The following OTOF variants were observed in gnomAD, a reference collection of about 807,000 sequenced individuals.
OTOF encodes otoferlin.
In OTOF, 218 loss-of-function variants were observed where a neutral mutation model predicts 236.8. That is an observed-to-expected ratio of 0.92 (90% CI 0.82 to 1.03). OTOF has a LOEUF of 1.03. OTOF is among the 50% of genes least tolerant of loss of function. The probability of loss-of-function intolerance (pLI) is 0.00; values close to 1 mark genes in which losing one functional copy is unlikely to be tolerated. For synonymous variants in OTOF, 1,041 were observed against 1,072.5 expected (o/e 0.97, Z 0.57); for missense variants, 2,590 against 2,694.4 (o/e 0.96, Z 0.86).
intron 30 of OTOF, among the ~76,000 whole-genome samples, chr2:26,471,467 C>T (rs1056835859): frequency 2.0e-5 from 3 of 152,152 alleles, no homozygotes; most frequent in Admixed American, 1.3e-4. Flanking sequence ...TGGCAGTTCT[C>T]TCTCTGGCAG....
chr2:26,507,828 G>A (rs1393516534), intron 5 of OTOF, among the ~76,000 whole-genome samples: 1 of 152,122 alleles, frequency 6.6e-6, no homozygotes, highest in African/African-American at 2.4e-5. Context: ...CTACAATCTA[G>A]ACTGGTATTT....
chr2:26,465,206 C>T (rs762424795), intron 38 of OTOF, among the ~76,000 whole-genome samples, 177 bp from the exon 39 acceptor site: 1 of 152,064 alleles, frequency 6.6e-6, no homozygotes, highest in African/African-American at 2.4e-5. Flanking sequence ...GGAGGCTGAA[C>T]CTTCCTGCCC....
chr2:26,460,156 G>T lies in OTOF; in HGVS notation c.5863C>A (p.Arg1955Ser), dbSNP rs768636114. Reference sequence around the variant, plus strand: ...CGATACGTGTGCCACAAGAAGTAGCGAGCCGACTTGAGAGGGTTCAGGAAC... The same window carrying T: ...CGATACGTGTGCCACAAGAAGTAGCTAGCCGACTTGAGAGGGTTCAGGAAC... ...IWFLNPLKSA[R>S]YFLWHTYRWL... is the part of the protein sequence containing the mutation. The change falls in exon 46 of 47, where the codon CGC becomes AGC. Residue 1955 changes from arginine to serine, a missense_variant. Coordinates refer to ENST00000272371, the MANE Select transcript of OTOF (RefSeq NM_194248.3). The surrounding 1 kb of genome is among the most constrained non-coding windows in gnomAD (Gnocchi z 5.3). 5 of 1,603,784 alleles carry T rather than the reference G, an allele frequency of 3.1e-6. No homozygotes were observed. In the East Asian group the frequency reaches 1.1e-4, roughly 36 times the overall value.
In OTOF at chr2:26,461,136, C is replaced by T. The variant is rs1425998048; in HGVS notation, c.5534-106G>A. 2 of 949,988 alleles carry T rather than the reference C, an allele frequency of 2.1e-6. No homozygotes were observed. Among genetic ancestry groups the T allele is most frequent in the Non-Finnish European group, 3.2e-6 (2 of 616,036 alleles). The allele number at this position is 949,988 out of a possible 1,614,324, so 58.8% of individuals were successfully genotyped here. On this transcript the variant is annotated intron_variant, in intron 43 of 46. Transcript: ENST00000272371. This position sits in a 1 kb window ranked among gnomAD's most constrained non-coding sequence, Gnocchi z 6.2. Reference sequence around the variant, plus strand: ...CCCTTGTTTGCTGAGTGCAGACCTCCCTGAGCCCACATCTCATCCTCCTGC... The same window carrying T: ...CCCTTGTTTGCTGAGTGCAGACCTCTCTGAGCCCACATCTCATCCTCCTGC...
intron 40 of OTOF, 49 bp from the exon 41 acceptor site, chr2:26,463,620 C>G (rs1401038649): frequency 2.8e-6 from 4 of 1,432,466 alleles, no homozygotes; most frequent in Middle Eastern, 3.5e-4. Flanking sequence ...TCCCTCTGCC[C>G]AGGAAGATCA....
chr2:26,512,868 C>T (rs1407405894), intron 5 of OTOF, among the ~76,000 whole-genome samples: 1 of 152,194 alleles, frequency 6.6e-6, no homozygotes, highest in Admixed American at 6.5e-5. Context: ...GTGCACCTCA[C>T]TCAATCCTGG....
chr2:26,501,717 A>G (rs780454002), intron 8 of OTOF, 37 bp downstream of exon 8: 2 of 1,454,564 alleles, frequency 1.4e-6, no homozygotes, highest in Admixed American at 3.3e-5. Context: ...ACTAGAGCAG[A>G]GTCTGAAAGA....
chr2:26,484,562 C>T lies in OTOF; in HGVS notation c.1117G>A (p.Val373Met), dbSNP rs561112634. The change falls in exon 12 of 47, where the codon GTG (valine) becomes ATG (methionine). Residue 373 changes from valine (V) to methionine (M), a missense_variant. Transcript: ENST00000272371. ...CCCACCACGGCAACGTCACACTTCA[C>T]GTAGCCCTTCAGCCCCGAGGAGATG... ...DDISSGLKGY[V>M]KCDVAVVGKG... is the part of the protein sequence containing the mutation. 33 of 1,613,980 alleles carry T rather than the reference C, an allele frequency of 2.0e-5. No individual in the cohort carries two copies. Among genetic ancestry groups the T allele is most frequent in the Middle Eastern group, 1.6e-4 (1 of 6,062 alleles).
intron 32 of OTOF, among the ~76,000 whole-genome samples, chr2:26,469,655 A>G (rs976317545): frequency 6.6e-6 from 1 of 152,246 alleles, no homozygotes; most frequent in Non-Finnish European, 1.5e-5. Flanking sequence ...TGTGACAAAC[A>G]AGAGGTCAGG....
intron 1 of OTOF, among the ~76,000 whole-genome samples, chr2:26,556,762 C>A (rs528737595): frequency 7.3e-4 from 111 of 152,180 alleles, no homozygotes; most frequent in Non-Finnish European, 1.3e-3. Context: ...AGTGTTCTAC[C>A]CCTGAACCTT....
intron 1 of OTOF, among the ~76,000 whole-genome samples, chr2:26,551,308 C>G (rs1190182386): frequency 6.6e-6 from 1 of 152,126 alleles, no homozygotes; most frequent in Non-Finnish European, 1.5e-5. Context: ...GGCCTTTGTT[C>G]CTGCCAATGA....
intron 5 of OTOF, among the ~76,000 whole-genome samples, chr2:26,512,011 A>G (rs1666403682): frequency 6.6e-6 from 1 of 152,116 alleles, no homozygotes; most frequent in African/African-American, 2.4e-5. Flanking sequence ...GCCCCAGCAT[A>G]GGAGGAAGTT....
intron 15 of OTOF, among the ~76,000 whole-genome samples, 184 bp downstream of exon 15, chr2:26,480,602 C>G (rs1051997455): frequency 2.6e-5 from 4 of 152,276 alleles, no homozygotes; most frequent in Middle Eastern, 3.4e-3. Flanking sequence ...AGGCAGTGGA[C>G]GAGGGCAGAG....
At chr2:26,513,573 C>T (rs111555550) in intron 5 of OTOF, among the ~76,000 whole-genome samples, 226 of 152,352 alleles carry the variant, frequency 1.5e-3, no homozygotes, top group African/African-American at 5.1e-3. Context: ...CGGACCCTAA[C>T]GGTCAAGATG....
At chr2:26,480,683 G>T in intron 15 of OTOF, 103 bp downstream of exon 15, 2 of 951,646 alleles carry the variant, frequency 2.1e-6, no homozygotes, top group Non-Finnish European at 3.3e-6. Flanking sequence ...TGACTCCTCA[G>T]GTAGACAGGG....
Position 26,535,497 on chromosome 2 carries a change from C to T in OTOF, c.138+2219G>A, listed in dbSNP as rs549702748. ...TCCTTGCTCCCCACCCCACTAAATG[C>T]CAGTAGGCTCCTCATTGCAACAACC... is the stretch of plus-strand genomic sequence containing the variant. On this transcript the variant is annotated intron_variant, in intron 2 of 46. Coordinates refer to ENST00000272371, the MANE Select transcript of OTOF (RefSeq NM_194248.3). Among the ~76,000 whole-genome samples the T allele has an allele frequency of 2.6e-5, 4 of 152,260 alleles. No individual in the cohort carries two copies. The South Asian group carries it at 8.3e-4, about 32-fold the overall frequency.
chr2:26,482,636 TGA>T, intron 13 of OTOF, 44 bp from the exon 14 acceptor site: 2 of 1,552,674 alleles, frequency 1.3e-6, no homozygotes, highest in Non-Finnish European at 1.8e-6. Context: ...CATGTGTGTG[TGA>T]GTGGGTGCAT....
intron 1 of OTOF, among the ~76,000 whole-genome samples, chr2:26,552,732 AG>A (rs1667492390): frequency 1.3e-5 from 2 of 152,184 alleles, no homozygotes; most frequent in African/African-American, 4.8e-5. Flanking sequence ...AGGTGTGGTG[AG>A]GGGGACTGAG....
Position 26,537,721 on chromosome 2 carries a change from C to G in OTOF, c.133G>C (p.Asp45His). The G allele has an allele frequency of 6.4e-7, 1 of 1,553,980 alleles. No individual in the cohort carries two copies. The highest frequency in any genetic ancestry group is 2.4e-5 in the East Asian group (1 of 41,152). ...GGGAGTCTTGGGCCTCCTACCTCAT[C>G]AAAGTCAGCCACATCCTCACAGTTC... ...LENCEDVADF[D>H]ETFRWPVASS... Residue 45 changes from aspartate (D) to histidine (H), a missense_variant, in exon 2 of 47, where the codon GAT (aspartate) becomes CAT (histidine). Asp to His is a moderately conservative substitution (Grantham distance 81). Coordinates refer to ENST00000272371, the MANE Select transcript of OTOF (RefSeq NM_194248.3).
Sources: gnomAD v4.1 joint callset for allele counts (sites outside exome capture counted in the v4.1 genomes callset) on GRCh38, gnomAD v4.1.1 for gene constraint, Gnocchi (gnomAD v3.1) non-coding constraint, MANE v1.5 for transcripts, NCBI Gene and HGNC (gene_info 2026-07-23, HGNC 2026-07-21) for gene names.